The following ARID2 variants were observed in gnomAD, a reference collection of about 807,000 sequenced individuals.
ARID2 encodes AT-rich interactive domain-containing protein 2.
A neutral mutation model predicts 184.6 loss-of-function variants in ARID2; 32 were observed. The ratio of observed to expected loss-of-function variants is 0.17; its 90% CI spans 0.13 to 0.23. ARID2 has a LOEUF of 0.23. Among genes scored for constraint, ARID2 ranks in the 10% least tolerant of loss-of-function variants. The probability of loss-of-function intolerance (pLI) is 1.00; values close to 1 mark genes in which losing one functional copy is unlikely to be tolerated. For synonymous variants in ARID2, 836 were observed against 772.6 expected (o/e 1.08, Z -1.36); for missense variants, 1,696 against 2,197.6 (o/e 0.77, Z 4.56).
chr12:45,833,427 T>C (rs189574832), intron 6 of ARID2, among the ~76,000 whole-genome samples: 1 of 152,306 alleles, frequency 6.6e-6, no homozygotes, highest in African/African-American at 2.4e-5. Flanking sequence ...AATTTTCTTG[T>C]TATCTTTGTT....
intron 5 of ARID2, among the ~76,000 whole-genome samples, chr12:45,819,679 T>C (rs1384573676): frequency 2.6e-5 from 4 of 152,046 alleles, no homozygotes; most frequent in African/African-American, 9.7e-5. Flanking sequence ...TTCAATTTTA[T>C]ATTTCTGCCC....
chr12:45,810,379 G>A (rs1942684180), intron 3 of ARID2, among the ~76,000 whole-genome samples: 1 of 152,044 alleles, frequency 6.6e-6, no homozygotes. Context: ...TTATAAATTG[G>A]TCAAAATGTA....
chr12:45,831,007 G>A (rs527557582), intron 6 of ARID2, among the ~76,000 whole-genome samples: 3 of 149,484 alleles, frequency 2.0e-5, no homozygotes, highest in East Asian at 2.0e-4. Context: ...GCAGTGAGCC[G>A]AGATCATGCC....
intron 16 of ARID2, among the ~76,000 whole-genome samples, chr12:45,888,484 G>A (rs1399702287): frequency 6.6e-6 from 1 of 152,184 alleles, no homozygotes; most frequent in Admixed American, 6.5e-5. Flanking sequence ...ACGTTACTTA[G>A]CAAAGCTTGG....
At chr12:45,781,468 A>G (rs570196515) in intron 3 of ARID2, among the ~76,000 whole-genome samples, 2 of 148,802 alleles carry the variant, frequency 1.3e-5, no homozygotes, top group Non-Finnish European at 3.0e-5. Context: ...GTTTTGGAAT[A>G]AAGGTCAGAT....
At position 45,907,902 on chromosome 12, in the gene ARID2, CAA is replaced by C; in HGVS notation, c.*2825_*2826del. ...CGAAGGCATATTTTTCTTCCAAGCTCAAGTCAGGATTGTGACTATATATTAAT... is the reference window on the plus strand; with the variant it reads ...CGAAGGCATATTTTTCTTCCAAGCTCGTCAGGATTGTGACTATATATTAAT... On this transcript the variant is annotated 3_prime_UTR_variant, in exon 21 of 21. Coordinates refer to ENST00000334344, the MANE Select transcript of ARID2 (RefSeq NM_152641.4). The C allele has an allele frequency of 4.3e-6, 1 of 231,804 alleles. No homozygotes were observed. Among genetic ancestry groups the C allele is most frequent in the Non-Finnish European group, 8.5e-6 (1 of 117,130 alleles). The allele number at this position is 231,804 out of a possible 1,614,324, so 14.4% of individuals were successfully genotyped here.
Position 45,811,644 on chromosome 12 carries a change from A to G in ARID2, c.418+93A>G, listed in dbSNP as rs2138083542. On this transcript the variant is annotated intron_variant, in intron 4 of 20. Transcript: ENST00000334344. Reference sequence around the variant, plus strand: ...AATGAGTTAGTCCCTTCCTTTGCACATGAGAACACTTAAGGCCTTAAGGTA... The same window carrying G: ...AATGAGTTAGTCCCTTCCTTTGCACGTGAGAACACTTAAGGCCTTAAGGTA... 5.8e-6 allele frequency: 8 copies of G among 1,368,826 alleles called. No individual in the cohort carries two copies. In the South Asian group the frequency reaches 9.4e-5, roughly 16 times the overall value. The allele number at this position is 1,368,826 out of a possible 1,614,324, so 84.8% of individuals were successfully genotyped here.
intron 6 of ARID2, among the ~76,000 whole-genome samples, chr12:45,834,966 T>A (rs935105687): frequency 3.2e-4 from 48 of 152,308 alleles, no homozygotes; most frequent in African/African-American, 1.1e-3. Flanking sequence ...TGTCTGCCCA[T>A]TCTTTCTCTT....
At chr12:45,743,835 A>G (rs984785766) in intron 3 of ARID2, among the ~76,000 whole-genome samples, 14 of 152,116 alleles carry the variant, frequency 9.2e-5, no homozygotes, top group African/African-American at 3.4e-4. Context: ...GAACATTTCT[A>G]AAGTTTATTC....
In ARID2 at chr12:45,729,763, TAGGAAGCGC is replaced by T; in HGVS notation, c.-73_-65del. 7.0e-7 allele frequency: 1 copy of T among 1,423,968 alleles called. No homozygotes were observed. The highest frequency in any genetic ancestry group is 2.0e-5 in the Admixed American group (1 of 50,134). 88.2% of individuals were successfully genotyped at this position (1,423,968 alleles called of 1,614,324 possible). A position where few individuals can be genotyped will look rare whatever the true frequency, so the allele number is the denominator to read the frequency against. On this transcript the variant is annotated 5_prime_UTR_variant, in exon 1 of 21. The change abolishes the stop of an existing upstream ORF in the 5' untranslated region. Coordinates refer to ENST00000334344, the MANE Select transcript of ARID2 (RefSeq NM_152641.4). Reference sequence around the variant, plus strand: ...CCGAGGAATGGGCTCCGGGCTCTGGTAGGAAGCGCTGGGAGCGGGGGGCGCTTTTAAAAC... The same window carrying T: ...CCGAGGAATGGGCTCCGGGCTCTGGTTGGGAGCGGGGGGCGCTTTTAAAAC...
At chr12:45,790,730 A>AT (rs1297655477) in intron 3 of ARID2, among the ~76,000 whole-genome samples, 12 of 152,312 alleles carry the variant, frequency 7.9e-5, no homozygotes, top group Admixed American at 7.2e-4. Flanking sequence ...TATTTCTTTC[A>AT]TAAAAACTAT....
chr12:45,896,842 ATGT>A (rs1944374678), intron 20 of ARID2, among the ~76,000 whole-genome samples: 1 of 152,222 alleles, frequency 6.6e-6, no homozygotes, highest in African/African-American at 2.4e-5. Context: ...AAATTTGGGG[ATGT>A]TTTTCTTTTC....
intron 3 of ARID2, among the ~76,000 whole-genome samples, chr12:45,791,383 G>A (rs2138054024): frequency 6.6e-6 from 1 of 152,060 alleles, no homozygotes; most frequent in South Asian, 2.1e-4. Context: ...AAAATGTTAG[G>A]CCAACCTTAA....
chr12:45,732,071 GT>G lies in ARID2; in HGVS notation c.284+768del, dbSNP rs750462284. On this transcript the variant is annotated intron_variant, in intron 3 of 20. Transcript: ENST00000334344. The stretch of plus-strand genomic sequence containing the variant: ...TAGATGATATATTTTGTGATTTAGC[GT>G]TTTTTTTTTTGCCTCTAGTTTTTCT... 8.0e-4 allele frequency among the ~76,000 whole-genome samples: 110 copies of G among 136,906 alleles called. No homozygotes were observed. In the Middle Eastern group the frequency reaches 0.011, roughly 14 times the overall value. 89.8% of individuals were successfully genotyped at this position (136,906 alleles called of 152,430 possible).
At chr12:45,875,613 C>T (rs1943997408) in intron 16 of ARID2, among the ~76,000 whole-genome samples, 1 of 152,226 alleles carries the variant, frequency 6.6e-6, no homozygotes, top group Admixed American at 6.5e-5. Flanking sequence ...TATTGAAAAT[C>T]TGTTGCTTAG....
chr12:45,873,572 G>C (rs1007009141), intron 16 of ARID2, among the ~76,000 whole-genome samples: 1 of 152,002 alleles, frequency 6.6e-6, no homozygotes, highest in Non-Finnish European at 1.5e-5. Context: ...TCAAACAATA[G>C]TACAGGCATA....
intron 3 of ARID2, among the ~76,000 whole-genome samples, chr12:45,757,236 C>A (rs993880712): frequency 2.6e-5 from 4 of 152,122 alleles, no homozygotes; most frequent in African/African-American, 7.2e-5. Context: ...GTGTTCTGTA[C>A]TTAAATACTA....
chr12:45,801,432 T>C (rs1488513107), intron 3 of ARID2, among the ~76,000 whole-genome samples: 1 of 152,182 alleles, frequency 6.6e-6, no homozygotes, highest in African/African-American at 2.4e-5. Context: ...TATTTAGACT[T>C]AAAGTGTTTT....
chr12:45,738,961 CAG>C (rs1369372612), intron 3 of ARID2, among the ~76,000 whole-genome samples: 1 of 151,584 alleles, frequency 6.6e-6, no homozygotes, highest in African/African-American at 2.4e-5. Flanking sequence ...GTACATTTTA[CAG>C]AGTGTTGTCT....
Sources: gnomAD v4.1 joint callset for allele counts (sites outside exome capture counted in the v4.1 genomes callset) on GRCh38, gnomAD v4.1.1 for gene constraint, MANE v1.5 for transcripts, NCBI Gene and HGNC (gene_info 2026-07-23, HGNC 2026-07-21) for gene names.